Variants in GDAP1 observed in about 807,000 individuals in gnomAD.
GDAP1 encodes ganglioside induced differentiation associated protein 1, also known as ganglioside-induced differentiation-associated protein 1.
A neutral mutation model predicts 40.1 loss-of-function variants in GDAP1; 34 were observed. That is an observed-to-expected ratio of 0.85 (90% CI 0.64 to 1.13). GDAP1 has a LOEUF of 1.13. GDAP1 is among the 50% of genes most tolerant of loss of function. The probability of loss-of-function intolerance (pLI) is 0.00; values close to 1 mark genes in which losing one functional copy is unlikely to be tolerated. For synonymous variants in GDAP1, 170 were observed against 157.4 expected (o/e 1.08, Z -0.60); for missense variants, 374 against 433.7 (o/e 0.86, Z 1.22).
downstream of GDAP1, among the ~76,000 whole-genome samples, chr8:74,368,182 C>G (rs1221100349): frequency 1.3e-5 from 2 of 152,114 alleles, no homozygotes; most frequent in Admixed American, 6.6e-5. Flanking sequence ...ATGAAAGGGT[C>G]AAGTTTCCAT....
chr8:74,384,750 G>A (rs1460697867), intron 2 of GDAP1, among the ~76,000 whole-genome samples: 2 of 152,064 alleles, frequency 1.3e-5, no homozygotes, highest in Admixed American at 6.6e-5. Context: ...GATCTCTGTC[G>A]CCAACGAAAT....
intron 2 of GDAP1, among the ~76,000 whole-genome samples, chr8:74,468,675 C>A (rs1806505659): frequency 6.6e-6 from 1 of 152,136 alleles, no homozygotes; most frequent in African/African-American, 2.4e-5. Context: ...TTACTCAATT[C>A]TCTTATTGTT....
intron 4 of GDAP1, 101 bp from the exon 5 acceptor site, chr8:74,362,838 A>G (rs531271794): frequency 2.2e-6 from 1 of 452,882 alleles, no homozygotes; most frequent in East Asian, 4.5e-5. Flanking sequence ...GTTGTCTAAA[A>G]TAGGCTGAAC....
At chr8:74,444,834 G>A (rs1225104313) in intron 2 of GDAP1, among the ~76,000 whole-genome samples, 2 of 152,138 alleles carry the variant, frequency 1.3e-5, no homozygotes, top group African/African-American at 4.8e-5. Context: ...ATGACTTTGG[G>A]AACATCCTTA....
At chr8:74,457,450 C>T (rs935753384) in intron 2 of GDAP1, among the ~76,000 whole-genome samples, 4 of 152,004 alleles carry the variant, frequency 2.6e-5, no homozygotes, top group African/African-American at 9.7e-5. Flanking sequence ...AAAATTCAGC[C>T]ATGCAACCTT....
At chr8:74,429,615 T>C in intron 2 of GDAP1, among the ~76,000 whole-genome samples, 1 of 152,190 alleles carries the variant, frequency 6.6e-6, no homozygotes, top group Admixed American at 6.5e-5. Context: ...CAAGTGTCTG[T>C]GTCCTAATCT....
At chr8:74,373,821 C>A (rs1199882797) in intron 2 of GDAP1, among the ~76,000 whole-genome samples, 1 of 152,174 alleles carries the variant, frequency 6.6e-6, no homozygotes, top group African/African-American at 2.4e-5. Context: ...GAGAGGGCAT[C>A]CCTGTCTTGT....
In GDAP1 at chr8:74,350,457, C is replaced by T. The variant is rs1443549211; in HGVS notation, c.-5C>T. The T allele has an allele frequency of 6.3e-7, 1 of 1,592,490 alleles. No homozygotes were observed. Among genetic ancestry groups the T allele is most frequent in the East Asian group, 2.2e-5 (1 of 44,752 alleles). On this transcript the variant is annotated 5_prime_UTR_variant, in exon 1 of 6. Coordinates refer to ENST00000220822, the MANE Select transcript of GDAP1 (RefSeq NM_018972.4). Reference sequence around the variant, plus strand: ...CTGGGCGCACCCGTGCTCGCGCACCCCAAGATGGCTGAGAGGCAGGAAGAG... The same window carrying T: ...CTGGGCGCACCCGTGCTCGCGCACCTCAAGATGGCTGAGAGGCAGGAAGAG...
intron 2 of GDAP1, among the ~76,000 whole-genome samples, chr8:74,405,979 T>G (rs1433480037): frequency 2.0e-5 from 3 of 150,162 alleles, no homozygotes; most frequent in Admixed American, 6.6e-5. Context: ...AGTTTCCACA[T>G]GGGAGATTTT....
chr8:74,441,005 T>TTAGTGTTGC (rs111625179), intron 2 of GDAP1, among the ~76,000 whole-genome samples: 90,559 of 125,990 alleles, frequency 0.72, 27,700 homozygotes, highest in South Asian at 0.8. Context: ...CACTTGCATA[T>TTAGTGTTGC]TAACGTCTGC....
Position 74,461,131 on chromosome 8 carries a change from G to C in GDAP1, c.166-27547G>C, listed in dbSNP as rs1586841626. 3.9e-5 allele frequency among the ~76,000 whole-genome samples: 6 copies of C among 152,224 alleles called. No homozygotes were observed. The South Asian group carries it at 1.0e-3, about 26-fold the overall frequency. On this transcript the variant is annotated intron_variant, in intron 2 of 2. Transcript: ENST00000523640. ...GCACCCTTACCCTCTTCATTTTTCT[G>C]CTCTTAGCCATAAATCTGTCCCACA...
At chr8:74,373,685 T>C (rs1418959441) in intron 2 of GDAP1, among the ~76,000 whole-genome samples, 4 of 152,298 alleles carry the variant, frequency 2.6e-5, no homozygotes, top group South Asian at 2.1e-4. Context: ...TCTAAATATA[T>C]AATCATGTCA....
At chr8:74,455,064 C>A (rs58584032) in intron 2 of GDAP1, among the ~76,000 whole-genome samples, 11,894 of 151,858 alleles carry the variant, frequency 0.078, 1,026 homozygotes, top group African/African-American at 0.21. Flanking sequence ...AGAATAAAGA[C>A]AATATGAGTG....
chr8:74,350,608 C>T, intron 1 of GDAP1, 30 bp downstream of exon 1: 1 of 1,317,890 alleles, frequency 7.6e-7, no homozygotes, highest in South Asian at 1.2e-5. Context: ...CGGAGGGTGG[C>T]GCGGATCGGG....
rs927708154 is a variant in GDAP1 at position 74,415,824 on chromosome 8, C to T, written c.165+64503C>T. ...GGTGGCAGTCACTGGTTGAGAGAAA[C>T]CCCTAACTGTGAGAGAGGTTCTGGC... On this transcript the variant is annotated intron_variant, in intron 2 of 2. Coordinates refer to the GDAP1 transcript ENST00000523640. Among the ~76,000 whole-genome samples, 36 of 149,958 alleles carry T rather than the reference C, an allele frequency of 2.4e-4. 3 individuals are homozygous for T. Among genetic ancestry groups the T allele is most frequent in the African/African-American group, 8.1e-4 (32 of 39,290 alleles).
chr8:74,400,912 C>T (rs1234208463), intron 2 of GDAP1, among the ~76,000 whole-genome samples: 6 of 149,562 alleles, frequency 4.0e-5, no homozygotes, highest in Non-Finnish European at 8.8e-5. Flanking sequence ...GGGTTTCTGC[C>T]GAGAGATCCG....
Position 74,436,286 on chromosome 8 carries a change from A to G in GDAP1, c.166-52392A>G, listed in dbSNP as rs1293090259. On this transcript the variant is annotated intron_variant, in intron 2 of 2. Transcript: ENST00000523640. ...AATGCTGTATCCTAGGAGTTATAGAATTGGAAAAGAGTGATCAGAAAACTG... is the reference window on the plus strand; with the variant it reads ...AATGCTGTATCCTAGGAGTTATAGAGTTGGAAAAGAGTGATCAGAAAACTG... Among the ~76,000 whole-genome samples the G allele has an allele frequency of 1.1e-4, 17 of 152,336 alleles. No individual in the cohort carries two copies. In the East Asian group the frequency reaches 1.5e-3, roughly 14 times the overall value.
chr8:74,385,215 A>G (rs1297820841), intron 2 of GDAP1, among the ~76,000 whole-genome samples: 1 of 152,126 alleles, frequency 6.6e-6, no homozygotes, highest in Non-Finnish European at 1.5e-5. Context: ...TCTGGGATAC[A>G]TGTGCAGAAT....
rs761939180 is a variant in GDAP1 at position 74,363,056 on chromosome 8, AG to A, written c.694+5del. 7.8e-7 allele frequency: 1 copy of A among 1,277,964 alleles called. No homozygotes were observed. Among genetic ancestry groups the A allele is most frequent in the East Asian group, 2.3e-5 (1 of 43,340 alleles). The allele number at this position is 1,277,964 out of a possible 1,614,324, so 79.2% of individuals were successfully genotyped here. On this transcript the variant is annotated splice_donor_region_variant and intron_variant, in intron 5 of 5. Coordinates refer to ENST00000220822, the MANE Select transcript of GDAP1 (RefSeq NM_018972.4). ...AAGAAGAAATGAAGAAACCCCAGGT[AG>A]GTTCTCATTTATATTCTTTCTCTCT...
Sources: allele counts gnomAD v4.1 joint callset (sites outside exome capture counted in the v4.1 genomes callset), GRCh38; gene constraint gnomAD v4.1.1; transcripts MANE v1.5; gene names NCBI Gene and HGNC (gene_info 2026-07-23, HGNC 2026-07-21).